NPAT: variants seen among roughly 807,000 people sequenced by gnomAD.
NPAT encodes nuclear protein, coactivator of histone transcription.
A neutral mutation model predicts 130.7 loss-of-function variants in NPAT; 52 were observed. The observed-to-expected ratio is 0.40, with a 90% CI of 0.32 to 0.50. The LOEUF (loss-of-function observed/expected upper bound fraction) is 0.50. Among genes scored for constraint, NPAT ranks in the 20% least tolerant of loss-of-function variants. The pLI, the probability that NPAT is intolerant of heterozygous loss-of-function variation, is 0.68. For missense variants in NPAT, 1,687 were observed against 1,662.6 expected (o/e 1.01, Z -0.26); for synonymous variants, 580 against 584.8 (o/e 0.99, Z 0.12).
At chr11:108,205,722 G>C (rs919817157) in intron 1 of NPAT, among the ~76,000 whole-genome samples, 2 of 152,182 alleles carry the variant, frequency 1.3e-5, no homozygotes, top group African/African-American at 4.8e-5. Context: ...AGATGATACT[G>C]GAGAGTAACT....
chr11:108,167,268 T>C (rs1450941363), intron 15 of NPAT, among the ~76,000 whole-genome samples: 1 of 152,214 alleles, frequency 6.6e-6, no homozygotes, highest in Non-Finnish European at 1.5e-5. Flanking sequence ...TGGAATGCAG[T>C]GGCATGATCA....
At chr11:108,162,066 T>C in intron 16 of NPAT, 52 bp from the exon 17 acceptor site, 4 of 1,612,388 alleles carry the variant, frequency 2.5e-6, no homozygotes, top group Non-Finnish European at 3.4e-6. Context: ...AAATCCTTTA[T>C]GTTTTAAATC....
rs1011701114 is a variant in NPAT, at chr11:108,205,505, C to T, written c.38-8085G>A. Reference sequence around the variant, plus strand: ...TAGGTCTTGAACTCCTAGCCTCAAGCGATCCTCCCACCTTGGCCCCCACAA... The same window carrying T: ...TAGGTCTTGAACTCCTAGCCTCAAGTGATCCTCCCACCTTGGCCCCCACAA... On this transcript the variant is annotated intron_variant, in intron 1 of 17. Coordinates refer to ENST00000278612, the MANE Select transcript of NPAT (RefSeq NM_002519.3). 3.9e-5 allele frequency among the ~76,000 whole-genome samples: 6 copies of T among 152,236 alleles called. No individual in the cohort carries two copies. In the East Asian group the frequency reaches 5.8e-4, roughly 15 times the overall value.
chr11:108,194,147 A>G (rs2134870604), intron 2 of NPAT, 130 bp from the exon 3 acceptor site: 1 of 622,344 alleles, frequency 1.6e-6, no homozygotes, highest in Non-Finnish European at 2.9e-6. Context: ...AGGGTAAAGA[A>G]GCAGGTAATC....
At chr11:108,208,276 T>C (rs940547327) in intron 1 of NPAT, 1 of 321,906 alleles carries the variant, frequency 3.1e-6, no homozygotes, top group Non-Finnish European at 6.2e-6. Context: ...ATATTGTTAC[T>C]AGAGACAAAG....
At chr11:108,174,003 A>G in intron 12 of NPAT, 152 bp from the exon 13 acceptor site, 2 of 724,984 alleles carry the variant, frequency 2.8e-6, no homozygotes, top group South Asian at 3.1e-5. Context: ...CCATTTACTG[A>G]GTATCAAAAA....
rs368991135 is a variant in NPAT, at chr11:108,173,109, A to G, written c.1875T>C (p.Leu625=). 20 of 1,613,968 alleles carry G rather than the reference A, an allele frequency of 1.2e-5. No homozygotes were observed. The highest frequency in any genetic ancestry group is 1.6e-5 in the Non-Finnish European group (19 of 1,179,998). Residue 625 remains leucine, a synonymous_variant, in exon 13 of 18, where the codon CTT becomes CTC. Transcript: ENST00000278612. ...LNVSGQVEIH[L]GDSLSSTKQP... Reference sequence around the variant, plus strand: ...GTTTAGTAGAAGACAGCGAATCTCCAAGATGAATTTCTACTTGTCCAGATA... The same window carrying G: ...GTTTAGTAGAAGACAGCGAATCTCCGAGATGAATTTCTACTTGTCCAGATA...
rs369217049 is a variant in NPAT at position 108,179,307 on chromosome 11, GC to G, written c.907-2218del. 4.0e-4 allele frequency among the ~76,000 whole-genome samples: 61 copies of G among 151,728 alleles called. No homozygotes were observed. The East Asian group carries it at 9.9e-3, about 25-fold the overall frequency. ...TTTTTTTTGATGGAGTGTTCTCGTTGCCCAGGCTAGAGTGCAATGGCGCAAT... is the reference window on the plus strand; with the variant it reads ...TTTTTTTTGATGGAGTGTTCTCGTTGCCAGGCTAGAGTGCAATGGCGCAAT... On this transcript the variant is annotated intron_variant, in intron 10 of 17. Coordinates refer to ENST00000278612, the MANE Select transcript of NPAT (RefSeq NM_002519.3).
chr11:108,209,035 G>A (rs1012041460), intron 1 of NPAT, among the ~76,000 whole-genome samples: 32 of 151,430 alleles, frequency 2.1e-4, no homozygotes, highest in East Asian at 2.0e-4. Context: ...ATCCCAGCAC[G>A]TTGGGAGGCT....
At chr11:108,179,026 CAT>C (rs2078034860) in intron 10 of NPAT, among the ~76,000 whole-genome samples, 1 of 152,116 alleles carries the variant, frequency 6.6e-6, no homozygotes, top group Non-Finnish European at 1.5e-5. Flanking sequence ...TAAAGGCAAA[CAT>C]GTAGACCAAT....
At chr11:108,194,453 C>T (rs935416598) in intron 2 of NPAT, among the ~76,000 whole-genome samples, 10 of 152,122 alleles carry the variant, frequency 6.6e-5, no homozygotes, top group Admixed American at 6.5e-5. Context: ...AATCTGGCTC[C>T]CACTATCTAC....
intron 15 of NPAT, among the ~76,000 whole-genome samples, chr11:108,168,496 T>A (rs1314866958): frequency 1.3e-5 from 2 of 152,310 alleles, no homozygotes; most frequent in East Asian, 3.9e-4. Context: ...CTGTTTAGTT[T>A]AAGGAAAGGC....
intron 15 of NPAT, among the ~76,000 whole-genome samples, chr11:108,166,601 T>G (rs1251713588): frequency 6.6e-6 from 1 of 152,192 alleles, no homozygotes; most frequent in African/African-American, 2.4e-5. Context: ...ACCATCCATC[T>G]TGCTCTGACT....
intron 2 of NPAT, among the ~76,000 whole-genome samples, chr11:108,196,450 A>T (rs1002528073): frequency 6.6e-6 from 1 of 152,218 alleles, no homozygotes; most frequent in Admixed American, 6.5e-5. Context: ...AAAACTTAGA[A>T]TTCAGCTTTG....
chr11:108,167,336 C>T (rs907445817), intron 15 of NPAT, among the ~76,000 whole-genome samples: 23 of 152,262 alleles, frequency 1.5e-4, no homozygotes, highest in African/African-American at 5.1e-4. Flanking sequence ...CTCACCCTCC[C>T]GAATAGTTGG....
At chr11:108,187,440 A>G (rs1314052134) in intron 7 of NPAT, among the ~76,000 whole-genome samples, 2 of 152,194 alleles carry the variant, frequency 1.3e-5, no homozygotes, top group Non-Finnish European at 2.9e-5. Context: ...CAAGACAGCA[A>G]GGCCCTATCT....
At chr11:108,222,021 C>T (rs1591427416) in intron 1 of NPAT, among the ~76,000 whole-genome samples, 1 of 152,264 alleles carries the variant, frequency 6.6e-6, no homozygotes, top group East Asian at 1.9e-4. Context: ...ACCCCTACTC[C>T]CAAATTCGTA....
At chr11:108,170,979 C>A (rs2077944606) in intron 13 of NPAT, among the ~76,000 whole-genome samples, 1 of 151,958 alleles carries the variant, frequency 6.6e-6, no homozygotes, top group Non-Finnish European at 1.5e-5. Flanking sequence ...GGAACCAACA[C>A]ATAAGGAAAT....
At chr11:108,181,451 C>A (rs544023165) in intron 10 of NPAT, among the ~76,000 whole-genome samples, 1 of 144,804 alleles carries the variant, frequency 6.9e-6, no homozygotes, top group African/African-American at 2.5e-5. Flanking sequence ...GGTGACAGAG[C>A]GAGACTCTGT....
Sources: gnomAD v4.1 joint callset for allele counts (sites outside exome capture counted in the v4.1 genomes callset) on GRCh38, gnomAD v4.1.1 for gene constraint, MANE v1.5 for transcripts, NCBI Gene and HGNC (gene_info 2026-07-23, HGNC 2026-07-21) for gene names.